Variants in LAMA2 observed in about 807,000 individuals in gnomAD.
LAMA2 encodes laminin subunit alpha-2.
LAMA2 carries 269 observed loss-of-function variants against 364.8 expected under a neutral mutation model. That is an observed-to-expected ratio of 0.74 (90% confidence interval 0.67 to 0.82). The LOEUF (loss-of-function observed/expected upper bound fraction) is 0.82. Ranked by LOEUF, LAMA2 falls within the 40% of genes least tolerant of loss-of-function variation. The pLI is 0.00. For missense variants in LAMA2, 3,807 were observed against 3,873.2 expected, an observed-to-expected ratio of 0.98 and a Z score of 0.45; for synonymous variants, 1,379 against 1,370.6, an observed-to-expected ratio of 1.01 and a Z score of -0.14.
intron 2 of LAMA2, among the ~76,000 whole-genome samples, chr6:129,053,147 C>T (rs1315027116): frequency 1.3e-5 from 2 of 152,164 alleles, no homozygotes; most frequent in Non-Finnish European, 2.9e-5. Flanking sequence ...GGCACGACCT[C>T]GGCTCACCGC....
chr6:129,314,874 G>A, intron 24 of LAMA2, 76 bp downstream of exon 24: 1 of 1,522,150 alleles, frequency 6.6e-7, no homozygotes, highest in South Asian at 1.1e-5. Flanking sequence ...GGCACTGAGG[G>A]GTAGTAGAAA....
chr6:129,207,363 A>C (rs1218067457), intron 12 of LAMA2, among the ~76,000 whole-genome samples: 2 of 151,900 alleles, frequency 1.3e-5, no homozygotes, highest in Non-Finnish European at 2.9e-5. Flanking sequence ...GTAATAACTC[A>C]ACTCCTGGTT....
intron 1 of LAMA2, among the ~76,000 whole-genome samples, chr6:128,905,217 C>G (rs1056875611): frequency 6.6e-6 from 1 of 152,112 alleles, no homozygotes; most frequent in South Asian, 2.1e-4. Context: ...ACTTAGAGCC[C>G]TGACCTAATA....
intron 46 of LAMA2, 83 bp downstream of exon 46, chr6:129,453,214 T>A (rs1386490961): frequency 5.5e-6 from 7 of 1,276,712 alleles, no homozygotes; most frequent in Non-Finnish European, 7.9e-6. Flanking sequence ...AATCCCCAAA[T>A]GTATATGGTC....
intron 2 of LAMA2, among the ~76,000 whole-genome samples, chr6:129,058,944 A>G (rs1788685195): frequency 6.6e-6 from 1 of 152,238 alleles, no homozygotes; most frequent in Non-Finnish European, 1.5e-5. Context: ...TCAAGAACCT[A>G]CAATGGCCTG....
chr6:129,330,367 A>ACG (rs1674035247), intron 29 of LAMA2, among the ~76,000 whole-genome samples: 1 of 151,532 alleles, frequency 6.6e-6, no homozygotes, highest in Non-Finnish European at 1.5e-5. Context: ...GCTTCCCTCT[A>ACG]TGTGCCCCCT....
At chr6:129,169,798 C>T (rs1780014101) in intron 9 of LAMA2, among the ~76,000 whole-genome samples, 1 of 140,762 alleles carries the variant, frequency 7.1e-6, no homozygotes, top group Non-Finnish European at 1.5e-5. Context: ...GTCCTGGACT[C>T]TTTTTGGTTG....
chr6:129,412,162 A>C (rs772100297), intron 40 of LAMA2, among the ~76,000 whole-genome samples: 13 of 152,164 alleles, frequency 8.5e-5, no homozygotes, highest in Admixed American at 1.3e-4. Flanking sequence ...TATTTTAAAG[A>C]ATTGACTCAT....
At chr6:129,344,628 G>A (rs1035343405) in intron 30 of LAMA2, among the ~76,000 whole-genome samples, 3 of 152,164 alleles carry the variant, frequency 2.0e-5, no homozygotes, top group African/African-American at 7.2e-5. Context: ...AGATTTCCCA[G>A]GCTAATGTTA....
chr6:129,026,587 T>A (rs1345445448), intron 1 of LAMA2, among the ~76,000 whole-genome samples: 2 of 152,180 alleles, frequency 1.3e-5, no homozygotes, highest in Non-Finnish European at 2.9e-5. Flanking sequence ...AGGATTCTAT[T>A]TCCCAAATAA....
intron 1 of LAMA2, among the ~76,000 whole-genome samples, chr6:128,913,192 G>T (rs1308609631): frequency 6.6e-6 from 1 of 152,174 alleles, no homozygotes; most frequent in Non-Finnish European, 1.5e-5. Context: ...TGGCATTGAT[G>T]AGTCTAGATG....
At chr6:129,215,031 A>G (rs919261401) in intron 12 of LAMA2, among the ~76,000 whole-genome samples, 4 of 152,194 alleles carry the variant, frequency 2.6e-5, no homozygotes, top group African/African-American at 9.6e-5. Flanking sequence ...GGAGCATGCT[A>G]GTATAAATGG....
intron 3 of LAMA2, among the ~76,000 whole-genome samples, chr6:129,064,004 T>C (rs992758138): frequency 6.6e-6 from 1 of 152,112 alleles, no homozygotes; most frequent in African/African-American, 2.4e-5. Context: ...TTTAAACATA[T>C]TAAAGGTGAT....
chr6:129,022,719 A>C (rs1170944643), intron 1 of LAMA2, among the ~76,000 whole-genome samples: 1 of 152,180 alleles, frequency 6.6e-6, no homozygotes, highest in African/African-American at 2.4e-5. Flanking sequence ...TAATAAGCAA[A>C]AACAATTTTC....
intron 3 of LAMA2, among the ~76,000 whole-genome samples, chr6:129,083,969 C>T (rs1774223294): frequency 6.6e-6 from 1 of 152,138 alleles, no homozygotes; most frequent in Non-Finnish European, 1.5e-5. Context: ...GCAAACTGCA[C>T]CGCAGGTGTA....
chr6:129,151,164 A>G (rs1328435915), intron 7 of LAMA2, among the ~76,000 whole-genome samples: 1 of 152,162 alleles, frequency 6.6e-6, no homozygotes, highest in Non-Finnish European at 1.5e-5. Flanking sequence ...CAGCCTACAG[A>G]CAGAAAGTGG....
At chr6:129,148,490 G>T (rs6569584) in intron 6 of LAMA2, among the ~76,000 whole-genome samples, 3 of 151,894 alleles carry the variant, frequency 2.0e-5, no homozygotes, top group African/African-American at 7.3e-5. Context: ...GCCAATTCCA[G>T]GTGGTAAATT....
At chr6:129,158,868 T>C (rs1779288433) in intron 8 of LAMA2, 2 of 1,613,574 alleles carry the variant, frequency 1.2e-6, no homozygotes, top group Admixed American at 1.7e-5. Flanking sequence ...TCTTCTATGA[T>C]GGCAAAGCAA....
At chr6:129,299,087 A>T (rs190885747) in intron 21 of LAMA2, among the ~76,000 whole-genome samples, 1 of 152,216 alleles carries the variant, frequency 6.6e-6, no homozygotes, top group African/African-American at 2.4e-5. Flanking sequence ...TTATAGAAAG[A>T]TGACAGCATT....
Sources: allele counts gnomAD v4.1 joint callset (sites outside exome capture counted in the v4.1 genomes callset), GRCh38; gene constraint gnomAD v4.1.1; transcripts MANE v1.5; gene names NCBI Gene and HGNC (gene_info 2026-07-23, HGNC 2026-07-21).